The following MAP3K13 variants were observed in gnomAD, a reference collection of about 807,000 sequenced individuals.
The protein encoded by MAP3K13 is leucine zipper-bearing kinase.
A neutral mutation model predicts 104.0 loss-of-function variants in MAP3K13; 52 were observed. The observed-to-expected ratio is 0.50, with a 90% confidence interval of 0.40 to 0.63. The LOEUF (loss-of-function observed/expected upper bound fraction) is 0.63. Ranked by LOEUF, MAP3K13 falls within the 20% of genes least tolerant of loss-of-function variation. The probability of loss-of-function intolerance (pLI) is 0.00; values close to 1 mark genes in which losing one functional copy is unlikely to be tolerated. For missense variants in MAP3K13, 914 were observed against 1,218.5 expected, an observed-to-expected ratio of 0.75 and a Z score of 3.72; for synonymous variants, 394 against 442.2, an observed-to-expected ratio of 0.89 and a Z score of 1.37.
At chr3:185,449,717 A>G (rs1028588148) in intron 5 of MAP3K13, among the ~76,000 whole-genome samples, 183 bp from the exon 6 acceptor site, 2 of 119,366 alleles carry the variant, frequency 1.7e-5, no homozygotes, top group African/African-American at 5.9e-5. Context: ...GGTAGTGTTG[A>G]TTACCCCACA....
chr3:185,346,094 G>A (rs1722912083), intron 2 of MAP3K13, among the ~76,000 whole-genome samples: 1 of 152,126 alleles, frequency 6.6e-6, no homozygotes, highest in Non-Finnish European at 1.5e-5. Context: ...TAGTCACTGT[G>A]TTATACAAGA....
Position 185,454,537 on chromosome 3 carries a change from T to TATATATGATATATACCATATATATGAG in MAP3K13, c.1278+3148_1278+3149insGATATATACCATATATATGAGATATAT, listed in dbSNP as rs1560116794. Among the ~76,000 whole-genome samples, 45 of 20,016 alleles carry TATATATGATATATACCATATATATGAG rather than the reference T, an allele frequency of 2.2e-3. 2 individuals carry two copies. Among genetic ancestry groups the TATATATGATATATACCATATATATGAG allele is most frequent in the East Asian group, 3.9e-3 (5 of 1,290 alleles). The allele number at this position is 20,016 out of a possible 152,430, so 13.1% of individuals were successfully genotyped here. A position where few individuals can be genotyped will look rare whatever the true frequency, so the allele number is the denominator to read the frequency against. On this transcript the variant is annotated intron_variant, in intron 7 of 13. Transcript: ENST00000265026. The stretch of plus-strand genomic sequence containing the variant: ...TATGATATATACCATATATATGAGA[T>TATATATGATATATACCATATATATGAG]ATATATATGATATATACACATATAT...
In MAP3K13 at chr3:185,488,364, T is replaced by G. The variant is rs573168762; in HGVS notation, c.*5908T>G. On this transcript the variant is annotated 3_prime_UTR_variant, in exon 14 of 14. Transcript: ENST00000265026. ...TTAGAATCATATTAATCTGCTTGTT[T>G]GCATGTTACAACTGATACTGCAAAA... 3 of 152,286 alleles carry G rather than the reference T, an allele frequency of 2.0e-5. No homozygotes were observed. Among genetic ancestry groups the G allele is most frequent in the Non-Finnish European group, 2.9e-5 (2 of 68,018 alleles). The allele number at this position is 152,286 out of a possible 1,614,324, so 9.4% of individuals were successfully genotyped here.
chr3:185,468,020 A>G (rs993820223), intron 10 of MAP3K13, among the ~76,000 whole-genome samples: 1 of 152,050 alleles, frequency 6.6e-6, no homozygotes, highest in Admixed American at 6.6e-5. Context: ...TAAATAACCA[A>G]ATCTCATGAA....
At position 185,428,923 on chromosome 3, in the gene MAP3K13, A is replaced by G. The variant is rs994931738; in HGVS notation, c.342A>G (p.Glu114=). The change falls in exon 2 of 14, where the codon GAA becomes GAG. Residue 114 remains glutamate, a synonymous_variant. Coordinates refer to ENST00000265026, the MANE Select transcript of MAP3K13 (RefSeq NM_004721.5). ...TVDGESTSGT[E]DIKIQFSRSG... ...ACGGAGAGAGCACAAGCGGAACTGA[A>G]GACATAAAGATTCAGTTCAGCAGGT... The G allele has an allele frequency of 1.2e-6, 2 of 1,614,082 alleles. No homozygotes were observed. The highest frequency in any genetic ancestry group is 1.7e-5 in the Admixed American group (1 of 60,004).
intron 1 of MAP3K13, among the ~76,000 whole-genome samples, chr3:185,406,626 A>G (rs1713127586): frequency 6.6e-6 from 1 of 152,224 alleles, no homozygotes; most frequent in Admixed American, 6.5e-5. Context: ...CCTAGATGGT[A>G]CAAAGTATTG....
At chr3:185,475,324 G>T (rs1400196737) in intron 11 of MAP3K13, among the ~76,000 whole-genome samples, 4 of 152,152 alleles carry the variant, frequency 2.6e-5, no homozygotes, top group African/African-American at 9.7e-5. Flanking sequence ...TATGAAAAAT[G>T]TTTACAACAT....
intron 2 of MAP3K13, among the ~76,000 whole-genome samples, chr3:185,345,258 T>C (rs1722876268): frequency 6.6e-6 from 1 of 151,980 alleles, no homozygotes; most frequent in Admixed American, 6.6e-5. Context: ...CACACACACG[T>C]AAACGCATAC....
At chr3:185,436,134 C>T (rs1478011582) in intron 2 of MAP3K13, among the ~76,000 whole-genome samples, 1 of 152,120 alleles carries the variant, frequency 6.6e-6, no homozygotes, top group Admixed American at 6.5e-5. Flanking sequence ...GATTAAAGCA[C>T]ATATTGATTG....
chr3:185,436,115 G>A (rs182676599), intron 2 of MAP3K13, among the ~76,000 whole-genome samples: 29 of 152,238 alleles, frequency 1.9e-4, no homozygotes, highest in Admixed American at 1.9e-3. Flanking sequence ...TTTTAAAAAA[G>A]TTTCATGAGA....
chr3:185,436,989 A>C (rs147845732), intron 2 of MAP3K13, among the ~76,000 whole-genome samples: 6,356 of 134,022 alleles, frequency 0.047, 264 homozygotes, highest in East Asian at 0.24. Flanking sequence ...TGACAGAGCA[A>C]GACTCTGTCT....
chr3:185,457,603 T>C (rs1003524213), intron 7 of MAP3K13, among the ~76,000 whole-genome samples: 1 of 152,188 alleles, frequency 6.6e-6, no homozygotes, highest in Admixed American at 6.5e-5. Context: ...CACCTCCTAA[T>C]ACTGTCCCTT....
chr3:185,381,044 C>T (rs1001478457), intron 1 of MAP3K13, among the ~76,000 whole-genome samples: 1 of 151,302 alleles, frequency 6.6e-6, no homozygotes, highest in Non-Finnish European at 1.5e-5. Flanking sequence ...CTCACTGCAA[C>T]CTCCGCCTCC....
At chr3:185,462,747 T>A in intron 7 of MAP3K13, among the ~76,000 whole-genome samples, 1 of 152,216 alleles carries the variant, frequency 6.6e-6, no homozygotes, top group Non-Finnish European at 1.5e-5. Context: ...CACTCCAGCC[T>A]GGGTGACAGA....
intron 11 of MAP3K13, among the ~76,000 whole-genome samples, chr3:185,475,708 G>A (rs929229990): frequency 3.3e-5 from 5 of 152,036 alleles, no homozygotes; most frequent in Admixed American, 2.0e-4. Flanking sequence ...AAAATTAGCC[G>A]GGCATGGTGG....
Position 185,313,656 on chromosome 3 carries a change from TAC to T in MAP3K13, c.-86+28015_-86+28016del, listed in dbSNP as rs146830776. Among the ~76,000 whole-genome samples, 756 of 151,766 alleles carry T rather than the reference TAC, an allele frequency of 5.0e-3. 6 individuals are homozygous for T. Among genetic ancestry groups the T allele is most frequent in the Middle Eastern group, 0.02 (6 of 294 alleles). On this transcript the variant is annotated intron_variant, in intron 2 of 14. Coordinates refer to the MAP3K13 transcript ENST00000424227. ...GGAGGAGAATATGAACTTGGAAAAG[TAC>T]AGTTTCCTTTCCAAGTTTGAAAAGT...
At chr3:185,460,312 T>C (rs1463249290) in intron 7 of MAP3K13, among the ~76,000 whole-genome samples, 1 of 152,204 alleles carries the variant, frequency 6.6e-6, no homozygotes, top group African/African-American at 2.4e-5. Flanking sequence ...CTTTTTATTT[T>C]ATTTTTTTAT....
upstream of MAP3K13, chr3:185,363,122 C>G (rs1485024273): frequency 1.0e-6 from 1 of 984,566 alleles, no homozygotes; most frequent in African/African-American, 1.8e-5. Context: ...GGACCCGCCC[C>G]TCTTTTTTTT....
chr3:185,473,445 C>T lies in MAP3K13; in HGVS notation c.2114C>T (p.Ala705Val). The T allele has an allele frequency of 3.1e-6, 5 of 1,614,226 alleles. No homozygotes were observed. Among genetic ancestry groups the T allele is most frequent in the Non-Finnish European group, 4.2e-6 (5 of 1,180,036 alleles). Residue 705 changes from alanine to valine, a missense_variant, in exon 11 of 14, where the codon GCA becomes GTA. Ala to Val is a moderately conservative substitution (Grantham distance 64). This residue lies in a region of MAP3K13 where 583 missense variants were observed against 737.4 expected (regional missense o/e 0.79). Transcript: ENST00000265026. The surrounding 1 kb of genome is among the most constrained non-coding windows in gnomAD (Gnocchi z 4.9). ...GACCTCATCTCCACAGCCATGGCTGCAGACTGCTGGAGAAGTTCTGAGCCT... is the reference window on the plus strand; with the variant it reads ...GACCTCATCTCCACAGCCATGGCTGTAGACTGCTGGAGAAGTTCTGAGCCT... ...SPDLISTAMA[A>V]DCWRSSEPDK...
Sources: allele counts gnomAD v4.1 joint callset (sites outside exome capture counted in the v4.1 genomes callset), GRCh38; gene constraint gnomAD v4.1.1; regional missense constraint gnomAD v4.1.1; non-coding constraint Gnocchi (gnomAD v3.1); transcripts MANE v1.5; gene names NCBI Gene and HGNC (gene_info 2026-07-23, HGNC 2026-07-21).